The following NKAIN3 variants were observed in gnomAD, a reference collection of about 807,000 sequenced individuals.
NKAIN3 encodes the protein sodium/potassium-transporting ATPase subunit beta-1-interacting protein 3.
Under a neutral mutation model 30.2 loss-of-function variants are expected in NKAIN3, and 25 were observed. The ratio of observed to expected loss-of-function variants is 0.83; its 90% confidence interval spans 0.60 to 1.16. The LOEUF is 1.16. NKAIN3 is among the 50% of genes most tolerant of loss of function. NKAIN3 has a pLI of 0.00. For missense variants in NKAIN3, 225 were observed against 254.1 expected (o/e 0.89, Z 0.78); for synonymous variants, 91 against 89.6 (o/e 1.02, Z -0.09).
At chr8:62,414,230 T>C (rs895307242) in intron 1 of NKAIN3, among the ~76,000 whole-genome samples, 1 of 152,200 alleles carries the variant, frequency 6.6e-6, no homozygotes, top group Non-Finnish European at 1.5e-5. Flanking sequence ...TTTTAAGCTG[T>C]ATAATAAGAT....
chr8:62,604,738 A>G lies in NKAIN3; in HGVS notation c.273+14944A>G, dbSNP rs191643812. Among the ~76,000 whole-genome samples, 492 of 152,266 alleles carry G rather than the reference A, an allele frequency of 3.2e-3. 2 individuals carry two copies. Among genetic ancestry groups the G allele is most frequent in the African/African-American group, 0.01 (428 of 41,566 alleles). ...GACAAAAGTTAATTGAAATTTAGCA[A>G]ACTTCAAAGAAAAAGAAAGAATATC... On this transcript the variant is annotated intron_variant, in intron 3 of 6. Transcript: ENST00000623646.
chr8:62,750,566 T>G (rs913732475), intron 4 of NKAIN3, among the ~76,000 whole-genome samples: 1 of 152,122 alleles, frequency 6.6e-6, no homozygotes, highest in Non-Finnish European at 1.5e-5. Flanking sequence ...CCCCAGCTTC[T>G]GCCGGCGCCT....
intron 3 of NKAIN3, among the ~76,000 whole-genome samples, chr8:62,667,345 C>A (rs1563507938): frequency 2.5e-5 from 2 of 80,250 alleles, no homozygotes; most frequent in African/African-American, 5.6e-5. Context: ...TATATATATT[C>A]TTTATATATA....
chr8:62,500,473 GAAA>G, intron 1 of NKAIN3, among the ~76,000 whole-genome samples: 1 of 120,606 alleles, frequency 8.3e-6, no homozygotes, highest in East Asian at 2.5e-4. Context: ...AAGAAAGAAA[GAAA>G]GAAAGAAAGA....
At chr8:62,991,860 A>G (rs1168847013) in intron 5 of NKAIN3, among the ~76,000 whole-genome samples, 2 of 152,154 alleles carry the variant, frequency 1.3e-5, no homozygotes, top group African/African-American at 4.8e-5. Context: ...TGAATAAAAA[A>G]CAGCTCAAGC....
intron 4 of NKAIN3, among the ~76,000 whole-genome samples, chr8:62,824,732 A>G (rs574050885): frequency 7.9e-5 from 12 of 152,224 alleles, no homozygotes; most frequent in African/African-American, 2.6e-4. Context: ...AGCCTCTTCT[A>G]TATGGCTCTG....
At chr8:62,516,393 A>G (rs1216017407) in intron 1 of NKAIN3, among the ~76,000 whole-genome samples, 1 of 152,094 alleles carries the variant, frequency 6.6e-6, no homozygotes, top group Non-Finnish European at 1.5e-5. Flanking sequence ...TCTCTGTGTT[A>G]CACCAGCAGC....
At chr8:62,497,108 A>T (rs1159274652) in intron 1 of NKAIN3, among the ~76,000 whole-genome samples, 2 of 152,114 alleles carry the variant, frequency 1.3e-5, no homozygotes, top group Non-Finnish European at 2.9e-5. Context: ...AATCTGGAAA[A>T]GACGTTGTTT....
chr8:62,444,174 A>C (rs1430950272), intron 1 of NKAIN3, among the ~76,000 whole-genome samples: 2 of 152,136 alleles, frequency 1.3e-5, no homozygotes. Context: ...TATAATATAT[A>C]ATATGTGAAG....
intron 4 of NKAIN3, among the ~76,000 whole-genome samples, chr8:62,881,888 T>C (rs1820994990): frequency 6.6e-6 from 1 of 152,226 alleles, no homozygotes; most frequent in Non-Finnish European, 1.5e-5. Context: ...CTCAGAATCC[T>C]CAACACATCC....
intron 5 of NKAIN3, among the ~76,000 whole-genome samples, chr8:62,938,718 G>A (rs1822860764): frequency 6.6e-6 from 1 of 152,122 alleles, no homozygotes; most frequent in South Asian, 2.1e-4. Flanking sequence ...CCACATCAAG[G>A]CAGCACCCCA....
Position 62,747,094 on chromosome 8 carries a change from G to A in NKAIN3, c.436G>A (p.Glu146Lys), listed in dbSNP as rs1816099184. The stretch of plus-strand genomic sequence containing the variant: ...CTGCATCGTTGACTTCCAGTACCTG[G>A]AGGTCATCCACAGTGCTGTCCAAAT... Reference protein sequence around the residue: ...TGCIVDFQYLEVIHSAVQILL... With the variant: ...TGCIVDFQYLKVIHSAVQILL... Residue 146 changes from glutamate (E) to lysine (K), a missense_variant, in exon 4 of 7, where the codon GAG becomes AAG. Physicochemically the swap from Glu to Lys is moderately conservative, Grantham distance 56. Coordinates refer to ENST00000623646, the MANE Select transcript of NKAIN3 (RefSeq NM_001304533.3). The A allele has an allele frequency of 6.2e-7, 1 of 1,613,194 alleles. No homozygotes were observed. Among genetic ancestry groups the A allele is most frequent in the Non-Finnish European group, 8.5e-7 (1 of 1,179,268 alleles).
chr8:62,971,955 T>C lies in NKAIN3; in HGVS notation c.*6548T>C, dbSNP rs1486104799. Among the ~76,000 whole-genome samples the C allele has an allele frequency of 6.6e-6, 1 of 152,212 alleles. No homozygotes were observed. Among genetic ancestry groups the C allele is most frequent in the African/African-American group, 2.4e-5 (1 of 41,460 alleles). On this transcript the variant is annotated 3_prime_UTR_variant, in exon 7 of 7. Coordinates refer to ENST00000623646, the MANE Select transcript of NKAIN3 (RefSeq NM_001304533.3). ...TTTCCCATAATTTTGCAGACAGGTT[T>C]AGCTTTTCTTCTCTAGAATTGAGTT...
At chr8:62,667,489 G>A (rs1813162531) in intron 3 of NKAIN3, among the ~76,000 whole-genome samples, 2 of 151,118 alleles carry the variant, frequency 1.3e-5, no homozygotes, top group African/African-American at 4.9e-5. Flanking sequence ...CAGATTAGGA[G>A]TCATTCTTAT....
intron 5 of NKAIN3, among the ~76,000 whole-genome samples, chr8:62,945,584 G>C (rs1362242169): frequency 1.3e-5 from 2 of 152,132 alleles, no homozygotes; most frequent in Non-Finnish European, 2.9e-5. Context: ...AGAGAAGCAA[G>C]GTCCAGAATG....
intron 3 of NKAIN3, among the ~76,000 whole-genome samples, chr8:62,740,547 A>T (rs572282799): frequency 6.6e-6 from 1 of 152,278 alleles, no homozygotes; most frequent in African/African-American, 2.4e-5. Flanking sequence ...TACCCAAAAA[A>T]AGGAGATTAT....
intron 1 of NKAIN3, among the ~76,000 whole-genome samples, chr8:62,442,291 CTATT>C (rs1805351656): frequency 1.3e-5 from 2 of 151,794 alleles, no homozygotes; most frequent in South Asian, 4.1e-4. Context: ...TAGTCATTGT[CTATT>C]CATTAGGCTA....
intron 3 of NKAIN3, among the ~76,000 whole-genome samples, chr8:62,607,136 G>T (rs1161548749): frequency 2.0e-5 from 3 of 152,130 alleles, no homozygotes; most frequent in African/African-American, 4.8e-5. Flanking sequence ...CCAGCAATTT[G>T]CTGTCTTTTT....
At chr8:62,852,485 T>C (rs1337107538) in intron 4 of NKAIN3, among the ~76,000 whole-genome samples, 6 of 152,102 alleles carry the variant, frequency 3.9e-5, no homozygotes, top group Non-Finnish European at 8.8e-5. Flanking sequence ...TTATTTCTTG[T>C]CTTCTGCTAG....
Sources: gnomAD v4.1 joint callset for allele counts (sites outside exome capture counted in the v4.1 genomes callset) on GRCh38, gnomAD v4.1.1 for gene constraint, MANE v1.5 for transcripts, NCBI Gene and HGNC (gene_info 2026-07-23, HGNC 2026-07-21) for gene names.